The following DNAH7 variants were observed in gnomAD, a reference collection of about 807,000 sequenced individuals.
DNAH7 encodes the protein axonemal beta dynein heavy chain 7.
Under a neutral mutation model 444.6 loss-of-function variants are expected in DNAH7, and 397 were observed. The observed-to-expected ratio is 0.89, with a 90% CI of 0.82 to 0.97. DNAH7 has a LOEUF of 0.97. Ranked by LOEUF, DNAH7 falls within the 50% of genes least tolerant of loss-of-function variation. DNAH7 has a pLI of 0.00. For synonymous variants in DNAH7, 1,636 were observed against 1,624.4 expected (o/e 1.01, Z -0.17); for missense variants, 4,902 against 4,800.8 (o/e 1.02, Z -0.62).
rs550131420 is a variant in DNAH7 at position 195,962,783 on chromosome 2, T to C, written c.2206-1838A>G. Among the ~76,000 whole-genome samples, 13 of 152,346 alleles carry C rather than the reference T, an allele frequency of 8.5e-5. No homozygotes were observed. In the East Asian group the frequency reaches 2.5e-3, roughly 29 times the overall value. On this transcript the variant is annotated intron_variant, in intron 17 of 64. Coordinates refer to ENST00000312428, the MANE Select transcript of DNAH7 (RefSeq NM_018897.3). ...ACTCCATCACTACCCTTCCCAGCTT[T>C]TGGTAACCATTCTTCTACTCTGTAT...
chr2:195,883,632 G>A (rs1203960473), intron 35 of DNAH7, among the ~76,000 whole-genome samples: 2 of 152,098 alleles, frequency 1.3e-5, no homozygotes, highest in Admixed American at 6.5e-5. Flanking sequence ...AATAATTGCA[G>A]AAAGCTTAAT....
chr2:195,876,400 C>T (rs1701055825), intron 37 of DNAH7, 144 bp downstream of exon 37: 3 of 763,122 alleles, frequency 3.9e-6, no homozygotes, highest in African/African-American at 1.8e-5. Flanking sequence ...AATGTAACTA[C>T]ATTTTTAGGA....
At chr2:196,061,692 GGA>G (rs1302765984) in intron 1 of DNAH7, among the ~76,000 whole-genome samples, 3 of 152,114 alleles carry the variant, frequency 2.0e-5, no homozygotes, top group Non-Finnish European at 4.4e-5. Context: ...GAAAGAAAGT[GGA>G]GAGTGGAAAG....
chr2:195,934,838 T>G, intron 20 of DNAH7, 49 bp from the exon 21 acceptor site: 1 of 1,588,658 alleles, frequency 6.3e-7, no homozygotes, highest in South Asian at 1.1e-5. Flanking sequence ...AAAACAATTC[T>G]TTACACTCCA....
chr2:195,809,399 G>A (rs1012289680), intron 52 of DNAH7, among the ~76,000 whole-genome samples: 1 of 152,170 alleles, frequency 6.6e-6, no homozygotes, highest in Non-Finnish European at 1.5e-5. Flanking sequence ...ACTTTACACA[G>A]ATTTCAGTAA....
intron 21 of DNAH7, among the ~76,000 whole-genome samples, chr2:195,932,076 G>C (rs1688736341): frequency 2.0e-5 from 3 of 152,130 alleles, no homozygotes; most frequent in Non-Finnish European, 4.4e-5. Flanking sequence ...TCTTCCATTT[G>C]TTTGTATCCT....
At chr2:195,850,100 T>C (rs1304316752) in intron 46 of DNAH7, among the ~76,000 whole-genome samples, 9 of 152,188 alleles carry the variant, frequency 5.9e-5, no homozygotes, top group Non-Finnish European at 2.9e-5. Context: ...TATAGTATGT[T>C]ACCACAGATG....
rs142783266 is a variant in DNAH7 at position 195,793,789 on chromosome 2, T to C, written c.10716+549A>G. 4.0e-4 allele frequency among the ~76,000 whole-genome samples: 61 copies of C among 152,326 alleles called. 1 individual carries two copies. The highest frequency in any genetic ancestry group is 3.4e-3 in the Middle Eastern group (1 of 294). On this transcript the variant is annotated intron_variant, in intron 57 of 64. Coordinates refer to ENST00000312428, the MANE Select transcript of DNAH7 (RefSeq NM_018897.3). Reference sequence around the variant, plus strand: ...AAAGAAACTCTTCCATTTTTAATTATGGCAAAACGCTGTGAAACAATTTTA... The same window carrying C: ...AAAGAAACTCTTCCATTTTTAATTACGGCAAAACGCTGTGAAACAATTTTA...
At chr2:195,918,023 T>C (rs1218053624) in intron 24 of DNAH7, among the ~76,000 whole-genome samples, 2 of 152,174 alleles carry the variant, frequency 1.3e-5, no homozygotes, top group Non-Finnish European at 2.9e-5. Context: ...AGGAAATATT[T>C]GCAGAAACAC....
intron 5 of DNAH7, among the ~76,000 whole-genome samples, chr2:196,032,599 T>C (rs1231584301): frequency 6.6e-6 from 1 of 152,162 alleles, no homozygotes; most frequent in African/African-American, 2.4e-5. Flanking sequence ...TCTGAATAGA[T>C]CTGTATCAAG....
intron 57 of DNAH7, 110 bp downstream of exon 57, chr2:195,794,228 C>T: frequency 1.1e-6 from 1 of 905,584 alleles, no homozygotes; most frequent in Non-Finnish European, 1.8e-6. Flanking sequence ...CACTGCGGTG[C>T]AGGAGGCCTA....
chr2:196,048,033 AAATTCTGACCAC>A (rs1210517436), intron 4 of DNAH7, among the ~76,000 whole-genome samples: 1 of 152,188 alleles, frequency 6.6e-6, no homozygotes, highest in Non-Finnish European at 1.5e-5. Flanking sequence ...ATGTAGAGGC[AAATTCTGACCAC>A]AATAAATAAA....
intron 11 of DNAH7, 139 bp downstream of exon 11, chr2:196,001,534 ATT>A: frequency 1.3e-6 from 1 of 771,830 alleles, no homozygotes; most frequent in East Asian, 3.2e-5. Flanking sequence ...CTGGCTGACA[ATT>A]TTTTCTTTTA....
At chr2:195,907,084 G>C in intron 25 of DNAH7, 75 bp from the exon 26 acceptor site, 4 of 1,155,730 alleles carry the variant, frequency 3.5e-6, no homozygotes, top group Non-Finnish European at 5.0e-6. Flanking sequence ...ATTTTCACCT[G>C]ATCTTTTCAA....
At chr2:195,878,437 C>T (rs1011835065) in intron 36 of DNAH7, among the ~76,000 whole-genome samples, 3 of 151,728 alleles carry the variant, frequency 2.0e-5, no homozygotes, top group African/African-American at 7.3e-5. Flanking sequence ...CAAGATCCCA[C>T]TTCTACATAA....
At chr2:195,956,347 G>A (rs1050391552) in intron 19 of DNAH7, among the ~76,000 whole-genome samples, 11 of 151,980 alleles carry the variant, frequency 7.2e-5, no homozygotes, top group African/African-American at 1.2e-4. Context: ...CCATGCTTCC[G>A]AGGCAGTGAA....
At chr2:196,004,570 C>G (rs78528494) in intron 10 of DNAH7, among the ~76,000 whole-genome samples, 1 of 151,982 alleles carries the variant, frequency 6.6e-6, no homozygotes, top group South Asian at 2.1e-4. Context: ...TGAATGGAAA[C>G]GAAAACACCA....
intron 10 of DNAH7, 48 bp from the exon 11 acceptor site, chr2:196,001,906 C>T (rs1182752219): frequency 1.4e-6 from 2 of 1,469,462 alleles, no homozygotes; most frequent in Non-Finnish European, 1.8e-6. Context: ...CAGTGAATTA[C>T]TCCTTTTATA....
At chr2:195,950,868 A>AC (rs1690193598) in intron 19 of DNAH7, among the ~76,000 whole-genome samples, 3 of 138,152 alleles carry the variant, frequency 2.2e-5, no homozygotes, top group Non-Finnish European at 4.7e-5. Flanking sequence ...AAAAAAAAAA[A>AC]AAAAAAAAAA....
Sources: allele counts gnomAD v4.1 joint callset (sites outside exome capture counted in the v4.1 genomes callset), GRCh38; gene constraint gnomAD v4.1.1; transcripts MANE v1.5; gene names NCBI Gene and HGNC (gene_info 2026-07-23, HGNC 2026-07-21).